CSMD2: variants seen among roughly 807,000 people sequenced by gnomAD.
CSMD2 encodes CUB and sushi domain-containing protein 2.
A neutral mutation model predicts 398.5 loss-of-function variants in CSMD2; 130 were observed. That is an observed-to-expected ratio of 0.33 (90% CI 0.28 to 0.38). The LOEUF (loss-of-function observed/expected upper bound fraction) is 0.38, where lower values mean the gene tolerates loss of function less well. Ranked by LOEUF, CSMD2 falls within the 10% of genes least tolerant of loss-of-function variation. The probability of loss-of-function intolerance (pLI) is 1.00; values close to 1 mark genes in which losing one functional copy is unlikely to be tolerated. For missense variants in CSMD2, 3,829 were observed against 4,764.9 expected, an observed-to-expected ratio of 0.80 and a Z score of 5.78; for synonymous variants, 1,828 against 1,908.5, an observed-to-expected ratio of 0.96 and a Z score of 1.10.
chr1:33,599,313 C>T (rs1269266260), intron 44 of CSMD2: 1 of 152,182 alleles, frequency 6.6e-6, no homozygotes, highest in Admixed American at 6.5e-5. Flanking sequence ...AACAAGAGAC[C>T]TGGCCTACCA....
intron 46 of CSMD2, among the ~76,000 whole-genome samples, chr1:33,584,702 T>C (rs758037042): frequency 4.6e-5 from 7 of 150,886 alleles, no homozygotes; most frequent in Non-Finnish European, 1.0e-4. Flanking sequence ...TGTATATATA[T>C]ATATTATGAA....
Position 33,966,941 on chromosome 1 carries a change from G to A in CSMD2, c.518-30987C>T, listed in dbSNP as rs183624126. Among the ~76,000 whole-genome samples the A allele has an allele frequency of 2.6e-5, 4 of 152,308 alleles. No individual in the cohort carries two copies. In the East Asian group the frequency reaches 7.7e-4, roughly 29 times the overall value. On this transcript the variant is annotated intron_variant, in intron 3 of 70. Coordinates refer to ENST00000373381, the MANE Select transcript of CSMD2 (RefSeq NM_001281956.2). ...CATAAAGCACCAGGTGGTGGAGGCA[G>A]TCCTGTGGCTGCTGAGCTGACCTTT...
In CSMD2 at chr1:33,605,583, G is replaced by C. The variant is rs1249566969; in HGVS notation, c.6344-113C>G. 3 of 1,069,550 alleles carry C rather than the reference G, an allele frequency of 2.8e-6. No homozygotes were observed. The African/African-American group carries it at 4.8e-5, about 17-fold the overall frequency. 66.3% of individuals were successfully genotyped at this position (1,069,550 alleles called of 1,614,324 possible). A position where few individuals can be genotyped will look rare whatever the true frequency, so the allele number is the denominator to read the frequency against. On this transcript the variant is annotated intron_variant, in intron 41 of 70. Transcript: ENST00000373381. Reference sequence around the variant, plus strand: ...TTGGACTCAGATGGACCTTTGTCATGTACAAGTCATTGGCTTTGGGTAAGT... The same window carrying C: ...TTGGACTCAGATGGACCTTTGTCATCTACAAGTCATTGGCTTTGGGTAAGT...
chr1:33,557,898 T>C lies in CSMD2; in HGVS notation c.8579A>G (p.His2860Arg). ...CRIINCTDPGHQENSVRQVHA... is the reference protein window; with the variant it reads ...CRIINCTDPGRQENSVRQVHA... ...GACCTGACGAACACTATTTTCTTGG[T>C]GTCCAGGATCTGTACAGTTGATGAC... The change falls in exon 55 of 71, where the codon CAC becomes CGC. Residue 2860 changes from histidine to arginine, a missense_variant. His to Arg is a conservative substitution (Grantham distance 29). Transcript: ENST00000373381. 6.5e-7 allele frequency: 1 copy of C among 1,536,224 alleles called. No homozygotes were observed. Among genetic ancestry groups the C allele is most frequent in the Non-Finnish European group, 8.7e-7 (1 of 1,146,920 alleles).
intron 60 of CSMD2, among the ~76,000 whole-genome samples, chr1:33,538,259 C>T (rs1420106008): frequency 6.6e-6 from 1 of 152,084 alleles, no homozygotes; most frequent in East Asian, 1.9e-4. Context: ...TTTTAAAGGG[C>T]TGAACACATC....
At chr1:33,715,782 C>A (rs1426326424) in intron 20 of CSMD2, among the ~76,000 whole-genome samples, 1 of 152,092 alleles carries the variant, frequency 6.6e-6, no homozygotes, top group Non-Finnish European at 1.5e-5. Context: ...TCCCTGAATG[C>A]CAAATAAAAG....
intron 3 of CSMD2, among the ~76,000 whole-genome samples, chr1:33,965,509 C>T (rs776307485): frequency 4.3e-4 from 65 of 152,228 alleles, no homozygotes; most frequent in Non-Finnish European, 7.2e-4. Context: ...TGAAGGATGC[C>T]CTTGTGCCTC....
chr1:33,617,033 C>T, intron 38 of CSMD2, 58 bp from the exon 39 acceptor site: 27 of 1,369,868 alleles, frequency 2.0e-5, no homozygotes, highest in Middle Eastern at 1.8e-4. Flanking sequence ...ATTGTATGTA[C>T]AACCAGGGGC....
In CSMD2 at chr1:33,836,755, G is replaced by A. The variant is rs150437848; in HGVS notation, c.1033+10129C>T. 2.8e-3 allele frequency among the ~76,000 whole-genome samples: 434 copies of A among 152,308 alleles called. 8 individuals are homozygous for A. In the East Asian group the frequency reaches 0.032, roughly 11 times the overall value. On this transcript the variant is annotated intron_variant, in intron 6 of 70. Transcript: ENST00000373381. ...GGAGTGACCCGATTTTCCAGGTGCC[G>A]TGCATCACCCCTTTCCTTGGCTAGG... is the stretch of plus-strand genomic sequence containing the variant.
At chr1:33,849,315 T>A (rs1161713606) in intron 5 of CSMD2, among the ~76,000 whole-genome samples, 1 of 152,152 alleles carries the variant, frequency 6.6e-6, no homozygotes, top group East Asian at 1.9e-4. Context: ...TGCTCGAAAC[T>A]CTCCAATGAA....
At chr1:34,055,378 T>A (rs1369880258) in intron 2 of CSMD2, among the ~76,000 whole-genome samples, 1 of 152,156 alleles carries the variant, frequency 6.6e-6, no homozygotes, top group African/African-American at 2.4e-5. Context: ...CTACCTGAAG[T>A]TAGCATCAGG....
At chr1:33,659,524 T>A (rs76176776) in intron 26 of CSMD2, among the ~76,000 whole-genome samples, 1,541 of 152,376 alleles carry the variant, frequency 0.01, 25 homozygotes, top group African/African-American at 0.035. Context: ...GAAAAACTAC[T>A]TTTATACTAA....
intron 12 of CSMD2, among the ~76,000 whole-genome samples, chr1:33,776,776 G>A (rs1652038076): frequency 6.6e-6 from 1 of 152,016 alleles, no homozygotes; most frequent in Non-Finnish European, 1.5e-5. Flanking sequence ...TTATCCAAGA[G>A]GCTTAGAATG....
chr1:33,533,238 G>A lies in CSMD2; in HGVS notation c.9992-9C>T, dbSNP rs1293372597. ...CTGCCTGCAGTGGTGGGCTGGATGA[G>A]AGGAAAGACCCTGTTGGACTGGAGG... On this transcript the variant is annotated splice_polypyrimidine_tract_variant and intron_variant, in intron 63 of 70. Transcript: ENST00000373381. The surrounding 1 kb of genome is among the most constrained non-coding windows in gnomAD (Gnocchi z 4.2). The A allele has an allele frequency of 6.2e-7, 1 of 1,613,276 alleles. No homozygotes were observed. The highest frequency in any genetic ancestry group is 1.7e-5 in the Admixed American group (1 of 59,992).
intron 25 of CSMD2, among the ~76,000 whole-genome samples, chr1:33,689,162 T>C (rs2149088780): frequency 6.6e-6 from 1 of 151,898 alleles, no homozygotes; most frequent in South Asian, 2.1e-4. Context: ...TGAGCACACA[T>C]AAATACAGCT....
intron 1 of CSMD2, among the ~76,000 whole-genome samples, chr1:34,130,132 G>T (rs1295628160): frequency 6.6e-6 from 1 of 152,080 alleles, no homozygotes; most frequent in Non-Finnish European, 1.5e-5. Context: ...GGCACTGGGG[G>T]TACAGAGTCC....
At chr1:33,950,135 T>G (rs896974168) in intron 3 of CSMD2, among the ~76,000 whole-genome samples, 1 of 152,114 alleles carries the variant, frequency 6.6e-6, no homozygotes, top group South Asian at 2.1e-4. Context: ...CTCAGTTTCT[T>G]CTCTTGGACT....
At chr1:33,565,860 T>C (rs936086438) in intron 53 of CSMD2, among the ~76,000 whole-genome samples, 5 of 152,058 alleles carry the variant, frequency 3.3e-5, no homozygotes, top group African/African-American at 1.2e-4. Context: ...AGATAACTGA[T>C]TGTATGCTTT....
intron 15 of CSMD2, among the ~76,000 whole-genome samples, chr1:33,736,729 C>A (rs1646899858): frequency 6.6e-6 from 1 of 152,164 alleles, no homozygotes; most frequent in Non-Finnish European, 1.5e-5. Context: ...TGGCCTTCTG[C>A]CCTGAGACCA....
Sources: allele counts gnomAD v4.1 joint callset (sites outside exome capture counted in the v4.1 genomes callset), GRCh38; gene constraint gnomAD v4.1.1; non-coding constraint Gnocchi (gnomAD v3.1); transcripts MANE v1.5; gene names NCBI Gene and HGNC (gene_info 2026-07-23, HGNC 2026-07-21).